Variants in PPA1 observed in about 807,000 individuals in gnomAD.
PPA1 encodes the protein inorganic pyrophosphatase 1, also known as inorganic pyrophosphatase.
In PPA1, 23 loss-of-function variants were observed where a neutral mutation model predicts 41.8. The ratio of observed to expected loss-of-function variants is 0.55; its 90% confidence interval spans 0.40 to 0.78. PPA1 has a LOEUF of 0.78. PPA1 is among the 30% of genes least tolerant of loss of function. The pLI, the probability that PPA1 is intolerant of heterozygous loss-of-function variation, is 0.00. For synonymous variants in PPA1, 101 were observed against 116.8 expected, an observed-to-expected ratio of 0.86 and a Z score of 0.87; for missense variants, 320 against 361.6, an observed-to-expected ratio of 0.89 and a Z score of 0.93.
chr10:70,217,954 C>A, intron 3 of PPA1, 23 bp from the exon 4 acceptor site: 4 of 1,514,032 alleles, frequency 2.6e-6, no homozygotes, highest in Non-Finnish European at 2.7e-6. Flanking sequence ...AATTTCAAAT[C>A]TTTGCATATT....
chr10:70,222,588 C>T (rs1010709784), intron 2 of PPA1, among the ~76,000 whole-genome samples: 23 of 152,100 alleles, frequency 1.5e-4, no homozygotes, highest in African/African-American at 5.1e-4. Flanking sequence ...GTAGAATTCT[C>T]GCCTGCTAAA....
At chr10:70,218,032 C>T (rs191925278) in intron 3 of PPA1, 101 bp from the exon 4 acceptor site, 1 of 1,064,914 alleles carries the variant, frequency 9.4e-7, no homozygotes. Context: ...TCCCTAATTC[C>T]ACTTTAATGA....
In PPA1 at chr10:70,233,104, G is replaced by A. The variant is rs977389492; in HGVS notation, c.64+160C>T. Among the ~76,000 whole-genome samples, 41 of 152,158 alleles carry A rather than the reference G, an allele frequency of 2.7e-4. 1 individual carries two copies. Among genetic ancestry groups the A allele is most frequent in the Non-Finnish European group, 5.7e-4 (39 of 68,006 alleles). ...TCGCCGCCCCGACCGGCGGCGGCAAGTATGCAATGTGAGGCCGGCCAGGCC... is the reference window on the plus strand; with the variant it reads ...TCGCCGCCCCGACCGGCGGCGGCAAATATGCAATGTGAGGCCGGCCAGGCC... On this transcript the variant is annotated intron_variant, in intron 1 of 10. Coordinates refer to ENST00000373232, the MANE Select transcript of PPA1 (RefSeq NM_021129.4).
intron 2 of PPA1, among the ~76,000 whole-genome samples, chr10:70,219,710 A>G (rs1327169540): frequency 6.6e-6 from 1 of 152,232 alleles, no homozygotes; most frequent in Admixed American, 6.5e-5. Flanking sequence ...ACTGACTACT[A>G]TAAAATAGAT....
chr10:70,228,164 CAG>C (rs1840252969), intron 2 of PPA1, among the ~76,000 whole-genome samples: 1 of 152,182 alleles, frequency 6.6e-6, no homozygotes, highest in Non-Finnish European at 1.5e-5. Flanking sequence ...GTGCCAAGGG[CAG>C]AGTCTTCCTT....
At chr10:70,228,219 T>C (rs1840253527) in intron 2 of PPA1, among the ~76,000 whole-genome samples, 1 of 152,186 alleles carries the variant, frequency 6.6e-6, no homozygotes, top group Non-Finnish European at 1.5e-5. Flanking sequence ...CTTATAAGGC[T>C]TCAGTGTCTG....
rs763166510 is a variant in PPA1, at chr10:70,209,187, C to A, written c.725+18G>T. ...TGGTCTGCTTTGTGTGTTAAACATGCAAAGTGTTTACACTTACCAACTGAT... is the reference window on the plus strand; with the variant it reads ...TGGTCTGCTTTGTGTGTTAAACATGAAAAGTGTTTACACTTACCAACTGAT... On this transcript the variant is annotated intron_variant, in intron 8 of 10. Transcript: ENST00000373232. 1 of 1,536,106 alleles carries A rather than the reference C, an allele frequency of 6.5e-7. No individual in the cohort carries two copies. The highest frequency in any genetic ancestry group is 1.4e-5 in the African/African-American group (1 of 73,026).
chr10:70,227,946 A>T (rs1457687628), intron 2 of PPA1, among the ~76,000 whole-genome samples: 5 of 152,212 alleles, frequency 3.3e-5, no homozygotes, highest in African/African-American at 1.2e-4. Flanking sequence ...AATCAAGTTA[A>T]TCAGATTTTT....
intron 1 of PPA1, 127 bp downstream of exon 1, chr10:70,233,137 G>C: frequency 1.8e-6 from 2 of 1,092,800 alleles, no homozygotes; most frequent in African/African-American, 3.3e-5. Flanking sequence ...GCCCCACAAC[G>C]CGCCCGAGGA....
Position 70,209,303 on chromosome 10 carries a change from G to T in PPA1, c.640-13C>A. 1.9e-6 allele frequency: 3 copies of T among 1,550,262 alleles called. No individual in the cohort carries two copies. The highest frequency in any genetic ancestry group is 2.7e-6 in the Non-Finnish European group (3 of 1,126,646). On this transcript the variant is annotated splice_polypyrimidine_tract_variant and intron_variant, in intron 7 of 10. Coordinates refer to ENST00000373232, the MANE Select transcript of PPA1 (RefSeq NM_021129.4). ...CAATGGCAAAGTCCTATAATTTGAAGAGGTTTGCATTACAATGATAAAAAG... is the reference window on the plus strand; with the variant it reads ...CAATGGCAAAGTCCTATAATTTGAATAGGTTTGCATTACAATGATAAAAAG...
chr10:70,224,194 T>G (rs1564585488), intron 2 of PPA1, among the ~76,000 whole-genome samples: 3 of 148,340 alleles, frequency 2.0e-5, no homozygotes, highest in South Asian at 2.2e-4. Context: ...GAGGATTGCT[T>G]AGACTAGGAG....
chr10:70,213,277 G>A (rs1422183361), intron 6 of PPA1, among the ~76,000 whole-genome samples, 186 bp downstream of exon 6: 1 of 152,132 alleles, frequency 6.6e-6, no homozygotes, highest in Non-Finnish European at 1.5e-5. Flanking sequence ...TTCTTTCCTG[G>A]AATGAAGGAG....
At chr10:70,206,377 A>C (rs1485786714) in intron 8 of PPA1, 44 bp from the exon 9 acceptor site, 10 of 1,424,448 alleles carry the variant, frequency 7.0e-6, no homozygotes, top group Non-Finnish European at 7.9e-6. Context: ...AATAACAAAA[A>C]TTATCTCTTA....
rs748653095 is a variant in PPA1, at chr10:70,209,285, A to T, written c.645T>A (p.Phe215Leu). Residue 215 changes from phenylalanine to leucine, a missense_variant, in exon 8 of 11, where the codon TTT (phenylalanine) becomes TTA (leucine). Coordinates refer to ENST00000373232, the MANE Select transcript of PPA1 (RefSeq NM_021129.4). ...GAGTGCTTTTAATAATATCAATGGC[A>T]AAGTCCTATAATTTGAAGAGGTTTG... Reference protein sequence around the residue: ...AFNAEFKDKDFAIDIIKSTHD... With the variant: ...AFNAEFKDKDLAIDIIKSTHD... 1.9e-6 allele frequency: 3 copies of T among 1,580,460 alleles called. No homozygotes were observed. Among genetic ancestry groups the T allele is most frequent in the Non-Finnish European group, 2.6e-6 (3 of 1,152,266 alleles).
chr10:70,204,563 G>A (rs976636240), intron 10 of PPA1: 4 of 252,448 alleles, frequency 1.6e-5, no homozygotes, highest in East Asian at 8.5e-5. Flanking sequence ...AGGGTACCAA[G>A]TTTTAGTTAG....
At chr10:70,215,250 G>T (rs1265621012) in intron 4 of PPA1, among the ~76,000 whole-genome samples, 3 of 151,924 alleles carry the variant, frequency 2.0e-5, no homozygotes, top group Admixed American at 6.6e-5. Context: ...AAAATGTGTG[G>T]TTTTTTTCTT....
At chr10:70,214,643 T>G (rs1840059192) in intron 4 of PPA1, 57 bp from the exon 5 acceptor site, 1 of 1,385,034 alleles carries the variant, frequency 7.2e-7, no homozygotes, top group South Asian at 1.2e-5. Flanking sequence ...ATGGATCATG[T>G]TGAGAATAAC....
chr10:70,214,105 G>A (rs1036103334), intron 5 of PPA1, among the ~76,000 whole-genome samples: 19 of 152,156 alleles, frequency 1.2e-4, no homozygotes, highest in African/African-American at 4.1e-4. Context: ...TTACTACCAT[G>A]GATCTCCAAC....
chr10:70,220,635 AAT>A lies in PPA1; in HGVS notation c.124-1820_124-1819del, dbSNP rs1441758103. 2.9e-4 allele frequency among the ~76,000 whole-genome samples: 2 copies of A among 6,802 alleles called. 1 individual carries two copies. Among genetic ancestry groups the A allele is most frequent in the South Asian group, 8.4e-3 (2 of 238 alleles). The allele number at this position is 6,802 out of a possible 152,430, so 4.5% of individuals were successfully genotyped here. Reference sequence around the variant, plus strand: ...TATTATATATAATTTATATATATATAATATATATAATTTATATATATATTATA... The same window carrying A: ...TATTATATATAATTTATATATATATAATATATAATTTATATATATATTATA... On this transcript the variant is annotated intron_variant, in intron 2 of 10. Coordinates refer to ENST00000373232, the MANE Select transcript of PPA1 (RefSeq NM_021129.4).
Sources: allele counts gnomAD v4.1 joint callset (sites outside exome capture counted in the v4.1 genomes callset), GRCh38; gene constraint gnomAD v4.1.1; transcripts MANE v1.5; gene names NCBI Gene and HGNC (gene_info 2026-07-23, HGNC 2026-07-21).